Variants in IL1RAPL2 observed in about 807,000 individuals in gnomAD.
IL1RAPL2 encodes the protein interleukin 1 receptor accessory protein like 2.
In IL1RAPL2, 3 loss-of-function variants were observed where a neutral mutation model predicts 44.1. That is an observed-to-expected ratio of 0.07 (90% CI 0.03 to 0.18). The LOEUF (loss-of-function observed/expected upper bound fraction) is 0.18, where lower values mean the gene tolerates loss of function less well. IL1RAPL2 is among the 10% of genes least tolerant of loss of function. The pLI, the probability that IL1RAPL2 is intolerant of heterozygous loss-of-function variation, is 1.00. For missense variants in IL1RAPL2, 391 were observed against 496.4 expected, an observed-to-expected ratio of 0.79 and a Z score of 2.02; for synonymous variants, 181 against 178.8, an observed-to-expected ratio of 1.01 and a Z score of -0.10.
Position 104,722,626 on chromosome X carries a change from T to G in IL1RAPL2, c.82+63631T>G, listed in dbSNP as rs1043714111. On this transcript the variant is annotated intron_variant, in intron 2 of 10. Coordinates refer to ENST00000372582, the MANE Select transcript of IL1RAPL2 (RefSeq NM_017416.2). The stretch of plus-strand genomic sequence containing the variant: ...TAAGTGAGCCTCAACTTGAAAGAAC[T>G]AGAGGAGGTGGTTTCTACTTTGTCT... 2.7e-5 allele frequency among the ~76,000 whole-genome samples: 3 copies of G among 112,022 alleles called. No homozygotes were observed. In the Admixed American group the frequency reaches 2.9e-4, roughly 11 times the overall value.
chrX:104,900,948 A>G (rs371080195), intron 2 of IL1RAPL2, among the ~76,000 whole-genome samples: 13 of 111,148 alleles, frequency 1.2e-4, no homozygotes, highest in African/African-American at 4.2e-4. Context: ...AGCCTCTAAA[A>G]TTCTTTGCTA....
intron 2 of IL1RAPL2, among the ~76,000 whole-genome samples, chrX:104,945,038 C>T (rs936696542): frequency 9.0e-6 from 1 of 111,509 alleles, no homozygotes; most frequent in Non-Finnish European, 1.9e-5. Context: ...AATCTTGGTC[C>T]TCTGCCTGCT....
Position 105,442,050 on chromosome X carries a change from A to G in IL1RAPL2, c.698-42263A>G, listed in dbSNP as rs182178431. 1.5e-4 allele frequency among the ~76,000 whole-genome samples: 16 copies of G among 109,383 alleles called. No homozygotes were observed. In the East Asian group the frequency reaches 4.6e-3, roughly 31 times the overall value. 95.0% of individuals were successfully genotyped at this position (109,383 alleles called of 115,157 possible). On this transcript the variant is annotated intron_variant, in intron 5 of 10. Transcript: ENST00000372582. The stretch of plus-strand genomic sequence containing the variant: ...TGAATTGGGTTCTTCTTTATTTTTT[A>G]TTTTATTTTATTTTATTTTTTTTGG...
chrX:105,318,905 G>T (rs940104183), intron 5 of IL1RAPL2, among the ~76,000 whole-genome samples: 1 of 112,154 alleles, frequency 8.9e-6, no homozygotes, highest in Non-Finnish European at 1.9e-5. Context: ...TATAGCTATC[G>T]CCTTCAATGC....
intron 6 of IL1RAPL2, among the ~76,000 whole-genome samples, chrX:105,702,253 C>A (rs1014880297): frequency 9.0e-6 from 1 of 111,284 alleles, no homozygotes; most frequent in Non-Finnish European, 1.9e-5. Flanking sequence ...TGTGAATAAT[C>A]GGTTGGTGCA....
At chrX:104,912,139 T>A (rs1403769687) in intron 2 of IL1RAPL2, among the ~76,000 whole-genome samples, 6 of 2,612 alleles carry the variant, frequency 2.3e-3, no homozygotes. Context: ...GGACAGGGAT[T>A]TTTTTTTTTC....
intron 2 of IL1RAPL2, among the ~76,000 whole-genome samples, chrX:104,907,583 G>C (rs1294808072): frequency 4.5e-5 from 5 of 111,836 alleles, no homozygotes; most frequent in African/African-American, 1.6e-4. Context: ...TCAGGAGCAG[G>C]TTGTTCAGTT....
intron 1 of IL1RAPL2, among the ~76,000 whole-genome samples, chrX:104,605,619 A>G (rs1294868582): frequency 5.4e-5 from 6 of 112,026 alleles, no homozygotes; most frequent in Non-Finnish European, 9.4e-5. Context: ...AGATGCAATA[A>G]AGAGTGATAT....
intron 6 of IL1RAPL2, among the ~76,000 whole-genome samples, chrX:105,583,888 T>A (rs2037108260): frequency 8.9e-6 from 1 of 112,206 alleles, no homozygotes; most frequent in African/African-American, 3.2e-5. Flanking sequence ...AATTTCACTC[T>A]AAGTACTGCT....
intron 2 of IL1RAPL2, among the ~76,000 whole-genome samples, chrX:104,664,161 C>T (rs1930448255): frequency 3.6e-5 from 4 of 111,107 alleles, no homozygotes; most frequent in African/African-American, 1.3e-4. Context: ...AAGATATTCC[C>T]TAGCACTGCT....
At chrX:105,725,326 A>G (rs1251453885) in intron 7 of IL1RAPL2, among the ~76,000 whole-genome samples, 1 of 111,843 alleles carries the variant, frequency 8.9e-6, no homozygotes, top group East Asian at 2.8e-4. Context: ...GTTTTCAGAA[A>G]AGCTTACTAA....
chrX:104,902,201 C>T (rs1431155186), intron 2 of IL1RAPL2, among the ~76,000 whole-genome samples: 1 of 111,556 alleles, frequency 9.0e-6, no homozygotes, highest in Non-Finnish European at 1.9e-5. Flanking sequence ...ACTGCCAAGG[C>T]CAAAAGGAAA....
chrX:105,724,711 T>C (rs1017171611), intron 7 of IL1RAPL2, among the ~76,000 whole-genome samples: 3 of 112,450 alleles, frequency 2.7e-5, no homozygotes, highest in Non-Finnish European at 3.8e-5. Flanking sequence ...TATTTATTTC[T>C]ACAATTTTAA....
At chrX:105,130,918 T>C (rs976394816) in intron 2 of IL1RAPL2, among the ~76,000 whole-genome samples, 1 of 111,280 alleles carries the variant, frequency 9.0e-6, no homozygotes, top group African/African-American at 3.3e-5. Context: ...ATTCTTTTTG[T>C]TATATAAATA....
chrX:105,657,579 G>A (rs1482605402), intron 6 of IL1RAPL2, among the ~76,000 whole-genome samples: 2 of 111,976 alleles, frequency 1.8e-5, no homozygotes, highest in African/African-American at 6.5e-5. Context: ...TCAGCATGTA[G>A]TGGTGTACTA....
intron 2 of IL1RAPL2, among the ~76,000 whole-genome samples, chrX:104,910,388 C>A (rs968926151): frequency 1.2e-4 from 13 of 112,199 alleles, no homozygotes; most frequent in Non-Finnish European, 2.1e-4. Context: ...CTAAATTATT[C>A]TTTAAGTTCT....
chrX:105,623,258 T>C (rs1459539458), intron 6 of IL1RAPL2, among the ~76,000 whole-genome samples: 1 of 110,053 alleles, frequency 9.1e-6, no homozygotes, highest in Non-Finnish European at 1.9e-5. Flanking sequence ...AGAGTAAGGA[T>C]TTGAACCCAG....
chrX:104,896,963 C>G (rs1349840862), intron 2 of IL1RAPL2, among the ~76,000 whole-genome samples: 1 of 111,484 alleles, frequency 9.0e-6, no homozygotes. Flanking sequence ...TCAAGAGATA[C>G]CATGAACCCA....
chrX:104,900,324 G>A (rs368705106), intron 2 of IL1RAPL2, among the ~76,000 whole-genome samples: 8 of 110,361 alleles, frequency 7.2e-5, no homozygotes, highest in Non-Finnish European at 1.3e-4. Context: ...CCTGGCATAC[G>A]GGATCAGATA....
Sources: gnomAD v4.1 joint callset for allele counts (sites outside exome capture counted in the v4.1 genomes callset) on GRCh38, gnomAD v4.1.1 for gene constraint, MANE v1.5 for transcripts, NCBI Gene and HGNC (gene_info 2026-07-23, HGNC 2026-07-21) for gene names.